The following MACF1 variants were observed in gnomAD, a reference collection of about 807,000 sequenced individuals.
The protein encoded by MACF1 is microtubule-actin cross-linking factor 1.
Under a neutral mutation model 854.8 loss-of-function variants are expected in MACF1, and 193 were observed. That is an observed-to-expected ratio of 0.23 (90% CI 0.20 to 0.25). The LOEUF (loss-of-function observed/expected upper bound fraction) is 0.25, where lower values mean the gene tolerates loss of function less well. Among genes scored for constraint, MACF1 ranks in the 10% least tolerant of loss-of-function variants. The pLI is 1.00. For missense variants in MACF1, 7,722 were observed against 8,929.1 expected (o/e 0.86, Z 5.45); for synonymous variants, 3,185 against 3,226.7 (o/e 0.99, Z 0.44).
intron 58 of MACF1, among the ~76,000 whole-genome samples, chr1:39,399,902 A>C (rs929862823): frequency 6.6e-6 from 1 of 152,218 alleles, no homozygotes; most frequent in East Asian, 1.9e-4. Context: ...CTGGATGAAC[A>C]TTCTTTATTT....
At chr1:39,233,139 A>G (rs1308051021) in intron 2 of MACF1, among the ~76,000 whole-genome samples, 1 of 151,966 alleles carries the variant, frequency 6.6e-6, no homozygotes, top group African/African-American at 2.4e-5. Context: ...GGTTCAAGCA[A>G]TACTCCTGCC....
intron 6 of MACF1, among the ~76,000 whole-genome samples, chr1:39,270,134 G>A (rs1645288731): frequency 6.6e-6 from 1 of 152,222 alleles, no homozygotes; most frequent in Non-Finnish European, 1.5e-5. Context: ...TGTGGAAGGG[G>A]TCAGGCAGCT....
chr1:39,163,566 T>G (rs1415264501), intron 2 of MACF1, among the ~76,000 whole-genome samples: 1 of 152,172 alleles, frequency 6.6e-6, no homozygotes, highest in Middle Eastern at 3.2e-3. Flanking sequence ...GCAACAGTAT[T>G]GTTGAATAAG....
At chr1:39,480,828 T>G in intron 98 of MACF1, 92 bp from the exon 99 acceptor site, 1 of 675,832 alleles carries the variant, frequency 1.5e-6, no homozygotes. Context: ...AAATTTAGTA[T>G]CTTCTATTTA....
chr1:39,485,575 TGGGAGTCGAGCC>T lies in MACF1; in HGVS notation c.22462_22473del (p.Gly7488_Ala7491del), dbSNP rs748028144. ...CTGCCAGTCGCCCTGGGAGTCGGGC[TGGGAGTCGAGCC>T]GGGAGTCGAGCCAGCAGCCGGCGAG... On this transcript the variant is annotated inframe_deletion, in exon 101 of 101. Transcript: ENST00000564288. 8.1e-6 allele frequency: 13 copies of T among 1,613,846 alleles called. No homozygotes were observed. Among genetic ancestry groups the T allele is most frequent in the Middle Eastern group, 1.6e-4 (1 of 6,082 alleles).
At chr1:39,385,370 A>G in intron 56 of MACF1, 64 bp from the exon 57 acceptor site, 1 of 1,555,226 alleles carries the variant, frequency 6.4e-7, no homozygotes, top group Non-Finnish European at 8.7e-7. Flanking sequence ...GCCTGGCCTG[A>G]CACTGCTTTT....
chr1:39,197,165 T>C (rs1364471156), intron 2 of MACF1, among the ~76,000 whole-genome samples: 1 of 152,128 alleles, frequency 6.6e-6, no homozygotes, highest in Non-Finnish European at 1.5e-5. Flanking sequence ...GAAAAAATTA[T>C]TTTATTTTCA....
intron 97 of MACF1, among the ~76,000 whole-genome samples, chr1:39,477,143 C>CATAT (rs1341883804): frequency 4.1e-5 from 6 of 146,818 alleles, no homozygotes; most frequent in South Asian, 2.1e-4. Flanking sequence ...TATACACACA[C>CATAT]ACACACACAC....
At chr1:39,418,467 T>A (rs1389058941) in intron 58 of MACF1, among the ~76,000 whole-genome samples, 1 of 152,228 alleles carries the variant, frequency 6.6e-6, no homozygotes, top group Non-Finnish European at 1.5e-5. Context: ...AGGACTGACG[T>A]CGTTCTCTCA....
intron 2 of MACF1, among the ~76,000 whole-genome samples, chr1:39,122,233 C>T (rs1051001269): frequency 1.8e-4 from 27 of 150,864 alleles, no homozygotes; most frequent in South Asian, 2.1e-4. Context: ...ACAGTGCAGC[C>T]ACTTCTGTGT....
chr1:39,389,216 C>G (rs954980765), intron 58 of MACF1, among the ~76,000 whole-genome samples: 4 of 151,952 alleles, frequency 2.6e-5, no homozygotes, highest in African/African-American at 9.7e-5. Context: ...TCTTTATAAC[C>G]AATTAAGGAT....
At chr1:39,274,219 TAAAAATAAAATGAAATTA>T (rs1645389125) in intron 6 of MACF1, among the ~76,000 whole-genome samples, 1 of 151,444 alleles carries the variant, frequency 6.6e-6, no homozygotes, top group South Asian at 2.1e-4. Context: ...AAAAATTGTA[TAAAAATAAAATGAAATTA>T]AAAAATAAAA....
intron 1 of MACF1, among the ~76,000 whole-genome samples, chr1:39,226,069 C>A (rs1251903862): frequency 6.6e-6 from 1 of 152,188 alleles, no homozygotes; most frequent in Non-Finnish European, 1.5e-5. Context: ...AAAAAATGAT[C>A]TTCCAGCTCT....
chr1:39,453,606 A>G, intron 87 of MACF1, 101 bp from the exon 88 acceptor site: 1 of 1,017,708 alleles, frequency 9.8e-7, no homozygotes, highest in South Asian at 1.4e-5. Flanking sequence ...TAACACATGG[A>G]GGAAAAAGAA....
At chr1:39,134,631 A>C (rs1361345770) in intron 2 of MACF1, among the ~76,000 whole-genome samples, 2 of 152,186 alleles carry the variant, frequency 1.3e-5, no homozygotes, top group Non-Finnish European at 2.9e-5. Flanking sequence ...TTTGTAAAAT[A>C]TTGGTGGTGA....
chr1:39,310,163 A>G, intron 24 of MACF1, 82 bp from the exon 25 acceptor site: 3 of 1,109,182 alleles, frequency 2.7e-6, no homozygotes, highest in Non-Finnish European at 3.9e-6. Context: ...TTTTGTATAT[A>G]TGTTACTTCA....
intron 84 of MACF1, among the ~76,000 whole-genome samples, chr1:39,449,712 T>G (rs944996548): frequency 1.4e-5 from 2 of 146,100 alleles, no homozygotes; most frequent in East Asian, 2.1e-4. Context: ...TTTTTTTTTT[T>G]GTCATGTTGA....
chr1:39,476,395 C>A (rs1644882926), intron 97 of MACF1, among the ~76,000 whole-genome samples: 2 of 151,886 alleles, frequency 1.3e-5, no homozygotes, highest in African/African-American at 4.8e-5. Context: ...ATGGTGAAAC[C>A]CCATCTCTAC....
At chr1:39,288,352 G>A (rs1166915622) in intron 15 of MACF1, among the ~76,000 whole-genome samples, 1 of 152,076 alleles carries the variant, frequency 6.6e-6, no homozygotes, top group Non-Finnish European at 1.5e-5. Flanking sequence ...CAAAAAACTA[G>A]CCAGGTGTGG....
Sources: allele counts gnomAD v4.1 joint callset (sites outside exome capture counted in the v4.1 genomes callset), GRCh38; gene constraint gnomAD v4.1.1; transcripts MANE v1.5; gene names NCBI Gene and HGNC (gene_info 2026-07-23, HGNC 2026-07-21).